BRINP3: variants seen among roughly 807,000 people sequenced by gnomAD.
BRINP3 encodes BMP/retinoic acid-inducible neural-specific protein 3.
BRINP3 carries 19 observed loss-of-function variants against 71.0 expected under a neutral mutation model. The observed-to-expected ratio is 0.27, with a 90% confidence interval of 0.19 to 0.39. The LOEUF (loss-of-function observed/expected upper bound fraction) is 0.39. Among genes scored for constraint, BRINP3 ranks in the 10% least tolerant of loss-of-function variants. BRINP3 has a pLI of 1.00. For synonymous variants in BRINP3, 380 were observed against 337.7 expected (o/e 1.13, Z -1.37); for missense variants, 959 against 940.8 (o/e 1.02, Z -0.25).
intron 6 of BRINP3, among the ~76,000 whole-genome samples, chr1:190,163,261 C>T (rs1279895149): frequency 6.6e-6 from 1 of 151,888 alleles, no homozygotes; most frequent in African/African-American, 2.4e-5. Context: ...ATTACCAAAG[C>T]TATGTAAAAA....
intron 2 of BRINP3, among the ~76,000 whole-genome samples, chr1:190,283,900 C>G (rs1011600682): frequency 1.3e-5 from 2 of 151,624 alleles, no homozygotes; most frequent in Non-Finnish European, 2.9e-5. Context: ...AGTAACATAA[C>G]TTGACCTTAA....
chr1:190,228,779 C>T (rs1657652706), intron 5 of BRINP3, among the ~76,000 whole-genome samples: 1 of 106,266 alleles, frequency 9.4e-6, no homozygotes, highest in Non-Finnish European at 2.0e-5. Flanking sequence ...TCAGGGCTGG[C>T]CACGGAATTT....
intron 6 of BRINP3, among the ~76,000 whole-genome samples, chr1:190,193,009 C>T (rs532080502): frequency 1.0e-3 from 153 of 152,140 alleles, no homozygotes; most frequent in South Asian, 3.9e-3. Flanking sequence ...ATGCAGAAGT[C>T]AGTTGTGCAA....
intron 6 of BRINP3, among the ~76,000 whole-genome samples, chr1:190,202,287 T>C (rs1490526894): frequency 6.6e-6 from 1 of 152,150 alleles, no homozygotes; most frequent in African/African-American, 2.4e-5. Flanking sequence ...CTACTTTGTT[T>C]TGGCCAGTTT....
intron 2 of BRINP3, among the ~76,000 whole-genome samples, chr1:190,292,264 T>A (rs1276785273): frequency 1.3e-5 from 2 of 152,120 alleles, no homozygotes; most frequent in African/African-American, 2.4e-5. Flanking sequence ...ATATATTGTA[T>A]TCTTGAAAAG....
chr1:190,441,299 A>T (rs998688569), intron 2 of BRINP3, among the ~76,000 whole-genome samples: 5 of 152,094 alleles, frequency 3.3e-5, no homozygotes, highest in Non-Finnish European at 5.9e-5. Flanking sequence ...GTAAGGCAGT[A>T]ACATATAATC....
At chr1:190,113,086 G>A (rs1013428564) in intron 7 of BRINP3, among the ~76,000 whole-genome samples, 7 of 151,834 alleles carry the variant, frequency 4.6e-5, no homozygotes, top group Non-Finnish European at 5.9e-5. Flanking sequence ...TATGCATATC[G>A]AATTATATTG....
chr1:190,139,386 AG>A (rs1269326135), intron 7 of BRINP3, among the ~76,000 whole-genome samples: 3 of 150,144 alleles, frequency 2.0e-5, no homozygotes, highest in South Asian at 2.1e-4. Context: ...TGGGAAGCAA[AG>A]GTTGCAGTGA....
At chr1:190,336,862 C>T (rs142220974) in intron 2 of BRINP3, among the ~76,000 whole-genome samples, 2,232 of 141,920 alleles carry the variant, frequency 0.016, 56 homozygotes, top group African/African-American at 0.055. Context: ...TTCCCTCCTT[C>T]CTTCCTTCCC....
chr1:190,219,543 A>G (rs1656690444), intron 6 of BRINP3, among the ~76,000 whole-genome samples: 1 of 152,108 alleles, frequency 6.6e-6, no homozygotes, highest in African/African-American at 2.4e-5. Flanking sequence ...TGGCTATTTG[A>G]AAATACATAG....
intron 6 of BRINP3, among the ~76,000 whole-genome samples, chr1:190,211,665 C>A (rs1271034532): frequency 1.3e-5 from 2 of 152,076 alleles, no homozygotes; most frequent in Non-Finnish European, 2.9e-5. Context: ...AATGATGGCA[C>A]TGATCTAAAC....
chr1:190,282,202 G>C (rs774490100), intron 2 of BRINP3, among the ~76,000 whole-genome samples: 29 of 150,872 alleles, frequency 1.9e-4, no homozygotes, highest in Non-Finnish European at 3.1e-4. Flanking sequence ...GGAATATTAA[G>C]GAGACGCAGA....
At chr1:190,392,122 GTC>G (rs1235642854) in intron 2 of BRINP3, among the ~76,000 whole-genome samples, 1 of 151,452 alleles carries the variant, frequency 6.6e-6, no homozygotes, top group East Asian at 1.9e-4. Flanking sequence ...ATATCTGTGT[GTC>G]TGATGATTAA....
At chr1:190,215,796 C>T (rs1057356542) in intron 6 of BRINP3, among the ~76,000 whole-genome samples, 9 of 151,906 alleles carry the variant, frequency 5.9e-5, no homozygotes, top group Non-Finnish European at 7.4e-5. Context: ...TAATAGGACA[C>T]GATGCTGATA....
chr1:190,169,006 T>G (rs1651792954), intron 6 of BRINP3, among the ~76,000 whole-genome samples: 1 of 152,170 alleles, frequency 6.6e-6, no homozygotes, highest in African/African-American at 2.4e-5. Flanking sequence ...TCAGCATCTG[T>G]GCTACAATTT....
chr1:190,412,396 TA>T (rs1553314798), intron 2 of BRINP3, among the ~76,000 whole-genome samples: 8 of 14,164 alleles, frequency 5.6e-4, no homozygotes, highest in African/African-American at 9.2e-4. Flanking sequence ...ATATATATAT[TA>T]TATATATATA....
chr1:190,313,875 C>T (rs1665707679), intron 2 of BRINP3, among the ~76,000 whole-genome samples: 1 of 151,870 alleles, frequency 6.6e-6, no homozygotes. Context: ...AATTGGTGAA[C>T]TAAGTAGGTA....
At chr1:190,267,621 A>G (rs1307788883) in intron 3 of BRINP3, among the ~76,000 whole-genome samples, 1 of 152,090 alleles carries the variant, frequency 6.6e-6, no homozygotes, top group Non-Finnish European at 1.5e-5. Context: ...AACGATAAAC[A>G]CAACCAAAAG....
At chr1:190,139,451 CAAAA>C (rs11315431) in intron 7 of BRINP3, among the ~76,000 whole-genome samples, 3 of 87,590 alleles carry the variant, frequency 3.4e-5, no homozygotes, top group Middle Eastern at 5.5e-3. Context: ...GACTCTGTCT[CAAAA>C]AAAAAAAAAA....
Sources: gnomAD v4.1 joint callset for allele counts (sites outside exome capture counted in the v4.1 genomes callset) on GRCh38, gnomAD v4.1.1 for gene constraint, MANE v1.5 for transcripts, NCBI Gene and HGNC (gene_info 2026-07-23, HGNC 2026-07-21) for gene names.